Variants in ASZ1 observed in about 807,000 individuals in gnomAD.
ASZ1 encodes the protein ankyrin repeat, SAM and basic leucine zipper domain-containing protein 1.
ASZ1 carries 67 observed loss-of-function variants against 61.8 expected under a neutral mutation model. The ratio of observed to expected loss-of-function variants is 1.08; its 90% CI spans 0.89 to 1.33. The LOEUF (loss-of-function observed/expected upper bound fraction) is 1.33. Among genes scored for constraint, ASZ1 ranks in the 40% most tolerant of loss-of-function variants. The probability of loss-of-function intolerance (pLI) is 0.00; values close to 1 mark genes in which losing one functional copy is unlikely to be tolerated. For synonymous variants in ASZ1, 193 were observed against 192.7 expected (o/e 1.00, Z -0.01); for missense variants, 577 against 554.5 (o/e 1.04, Z -0.41).
chr7:117,400,550 C>A (rs1796660616), intron 4 of ASZ1, among the ~76,000 whole-genome samples: 1 of 152,126 alleles, frequency 6.6e-6, no homozygotes, highest in Admixed American at 6.5e-5. Context: ...GGAACTCCAA[C>A]ACAAAAACTG....
intron 12 of ASZ1, among the ~76,000 whole-genome samples, chr7:117,364,459 G>A (rs1461257893): frequency 6.6e-6 from 1 of 151,960 alleles, no homozygotes; most frequent in Non-Finnish European, 1.5e-5. Flanking sequence ...GGAAGTGAGA[G>A]AGAGAGAAAA....
chr7:117,401,803 A>G (rs1224197739), intron 4 of ASZ1, among the ~76,000 whole-genome samples: 1 of 152,086 alleles, frequency 6.6e-6, no homozygotes, highest in Non-Finnish European at 1.5e-5. Flanking sequence ...ATAGGTAAGG[A>G]GTGAATCTTC....
chr7:117,364,958 C>T (rs1795906167), intron 12 of ASZ1, among the ~76,000 whole-genome samples: 1 of 151,582 alleles, frequency 6.6e-6, no homozygotes, highest in Admixed American at 6.6e-5. Context: ...ACCTCTCCCA[C>T]CCTCTCTCTG....
intron 4 of ASZ1, among the ~76,000 whole-genome samples, chr7:117,401,397 A>G (rs1383619693): frequency 6.6e-6 from 1 of 151,616 alleles, no homozygotes; most frequent in African/African-American, 2.4e-5. Flanking sequence ...TTTTTTTTAA[A>G]AAAAAAGACC....
At chr7:117,426,734 G>T in intron 2 of ASZ1, 102 bp downstream of exon 2, 1 of 1,008,098 alleles carries the variant, frequency 9.9e-7, no homozygotes, top group Non-Finnish European at 1.5e-6. Flanking sequence ...ATTAACATTT[G>T]TTGCGTTTCC....
At chr7:117,368,391 T>G in intron 11 of ASZ1, 1 of 1,212,238 alleles carries the variant, frequency 8.2e-7, no homozygotes, top group Non-Finnish European at 1.0e-6. Context: ...ATTTTTGGTC[T>G]GACTCATTTT....
In ASZ1 at chr7:117,380,088, C is replaced by T. The variant is rs778998514; in HGVS notation, c.946-41G>A. 3.8e-6 allele frequency: 5 copies of T among 1,319,562 alleles called. No individual in the cohort carries two copies. In the Admixed American group the frequency reaches 1.0e-4, roughly 26 times the overall value. The allele number at this position is 1,319,562 out of a possible 1,614,324, so 81.7% of individuals were successfully genotyped here. ...TTTAAGGTACAGTAAGTTAGTTATA[C>T]TTGAGTAATTTAAAACTCAAAATTG... On this transcript the variant is annotated intron_variant, in intron 9 of 12. Transcript: ENST00000284629.
chr7:117,423,687 T>TAAAAAA (rs1413276323), intron 2 of ASZ1, among the ~76,000 whole-genome samples: 2 of 37,226 alleles, frequency 5.4e-5, no homozygotes, highest in South Asian at 1.0e-3. Context: ...CTACTAAAAA[T>TAAAAAA]ACAAAAAAAA....
Position 117,382,928 on chromosome 7 carries a change from A to G in ASZ1, c.812+58T>C, listed in dbSNP as rs116289816. ...AATAAGTCACCACATTTACTACAATAAAATATACACAAATTTTACTTATAG... is the reference window on the plus strand; with the variant it reads ...AATAAGTCACCACATTTACTACAATGAAATATACACAAATTTTACTTATAG... On this transcript the variant is annotated intron_variant, in intron 7 of 12. Coordinates refer to ENST00000284629, the MANE Select transcript of ASZ1 (RefSeq NM_130768.3). 4.2e-3 allele frequency: 5,945 copies of G among 1,427,630 alleles called. 208 individuals are homozygous for G. In the African/African-American group the frequency reaches 0.08, roughly 19 times the overall value. The allele number at this position is 1,427,630 out of a possible 1,614,324, so 88.4% of individuals were successfully genotyped here.
chr7:117,366,405 T>A, intron 12 of ASZ1, among the ~76,000 whole-genome samples: 1 of 152,148 alleles, frequency 6.6e-6, no homozygotes, highest in East Asian at 1.9e-4. Context: ...GTTAAATGAA[T>A]TATGGGTTGA....
chr7:117,371,671 T>A (rs1008135681), intron 10 of ASZ1, among the ~76,000 whole-genome samples: 1 of 148,210 alleles, frequency 6.7e-6, no homozygotes, highest in African/African-American at 2.6e-5. Context: ...AGTACACTTA[T>A]AACTTAGATT....
In ASZ1 at chr7:117,393,596, A is replaced by AT. The variant is rs1368093878; in HGVS notation, c.441-7788dup. Among the ~76,000 whole-genome samples the AT allele has an allele frequency of 2.0e-5, 3 of 152,124 alleles. No homozygotes were observed. The East Asian group carries it at 5.8e-4, about 29-fold the overall frequency. On this transcript the variant is annotated intron_variant, in intron 4 of 12. Coordinates refer to ENST00000284629, the MANE Select transcript of ASZ1 (RefSeq NM_130768.3). Reference sequence around the variant, plus strand: ...TGGCATTTAAAAAATCATTTTATTTATTTTCCACTCTAATGTAATGTTTTA... The same window carrying AT: ...TGGCATTTAAAAAATCATTTTATTTATTTTTCCACTCTAATGTAATGTTTTA...
At chr7:117,366,888 A>T (rs983565772) in intron 12 of ASZ1, among the ~76,000 whole-genome samples, 3 of 152,152 alleles carry the variant, frequency 2.0e-5, no homozygotes, top group African/African-American at 7.2e-5. Flanking sequence ...TTTAATTTTC[A>T]TTATTTTTTC....
At chr7:117,376,669 C>G (rs1190796881) in intron 10 of ASZ1, among the ~76,000 whole-genome samples, 3 of 152,058 alleles carry the variant, frequency 2.0e-5, no homozygotes, top group Non-Finnish European at 4.4e-5. Context: ...ACCATATCAA[C>G]AGGCTAAAGA....
chr7:117,378,967 TATTC>T (rs1796192555), intron 10 of ASZ1, among the ~76,000 whole-genome samples: 1 of 151,436 alleles, frequency 6.6e-6, no homozygotes, highest in Non-Finnish European at 1.5e-5. Context: ...ATTTATATAA[TATTC>T]ATGAAATAAC....
chr7:117,420,166 C>T lies in ASZ1; in HGVS notation c.437G>A (p.Cys146Tyr). ...LSRNADPNVACRRLMTPIMYA... is the reference protein window; with the variant it reads ...LSRNADPNVAYRRLMTPIMYA... ...GAACAGATATAAAGGCTCTTACCTACAAGCAACATTTGGATCAGCATTTCT... is the reference window on the plus strand; with the variant it reads ...GAACAGATATAAAGGCTCTTACCTATAAGCAACATTTGGATCAGCATTTCT... The change falls in exon 4 of 13, where the codon TGT becomes TAT. Residue 146 changes from cysteine to tyrosine, a missense_variant. Physicochemically the swap from Cys to Tyr is radical, Grantham distance 194. Transcript: ENST00000284629. 7 of 1,607,936 alleles carry T rather than the reference C, an allele frequency of 4.4e-6. No homozygotes were observed. Among genetic ancestry groups the T allele is most frequent in the South Asian group, 2.2e-5 (2 of 90,488 alleles).
In ASZ1 at chr7:117,412,079, T is replaced by TGA. The variant is rs914897667; in HGVS notation, c.440+8082_440+8083dup. Among the ~76,000 whole-genome samples the TGA allele has an allele frequency of 2.7e-5, 4 of 150,420 alleles. No homozygotes were observed. In the Admixed American group the frequency reaches 2.7e-4, roughly 10 times the overall value. ...GTGTGTGTGTGTGTGTGTGTGTGTGTGACTGTGTGTCTGTGCATTTGTATG... is the reference window on the plus strand; with the variant it reads ...GTGTGTGTGTGTGTGTGTGTGTGTGTGAGACTGTGTGTCTGTGCATTTGTATG... On this transcript the variant is annotated intron_variant, in intron 4 of 12. Transcript: ENST00000284629.
intron 2 of ASZ1, among the ~76,000 whole-genome samples, chr7:117,424,321 G>T (rs554945082): frequency 6.6e-6 from 1 of 152,080 alleles, no homozygotes; most frequent in African/African-American, 2.4e-5. Flanking sequence ...GAACAATAAT[G>T]ACTTTGAAAG....
At chr7:117,398,199 G>A (rs921719907) in intron 4 of ASZ1, among the ~76,000 whole-genome samples, 1 of 152,124 alleles carries the variant, frequency 6.6e-6, no homozygotes, top group Admixed American at 6.5e-5. Context: ...TACTTTCGCT[G>A]TTTCGTACCT....
Sources: gnomAD v4.1 joint callset for allele counts (sites outside exome capture counted in the v4.1 genomes callset) on GRCh38, gnomAD v4.1.1 for gene constraint, MANE v1.5 for transcripts, NCBI Gene and HGNC (gene_info 2026-07-23, HGNC 2026-07-21) for gene names.